The following ELFN2 variants were observed in gnomAD, a reference collection of about 807,000 sequenced individuals.
ELFN2 encodes extracellular leucine rich repeat and fibronectin type III domain containing 2.
A neutral mutation model predicts 45.5 loss-of-function variants in ELFN2; 17 were observed. That is an observed-to-expected ratio of 0.37 (90% CI 0.26 to 0.56). The LOEUF (loss-of-function observed/expected upper bound fraction) is 0.56. Among genes scored for constraint, ELFN2 ranks in the 20% least tolerant of loss-of-function variants. The pLI is 0.77. For synonymous variants in ELFN2, 550 were observed against 551.5 expected (o/e 1.00, Z 0.04); for missense variants, 922 against 1,183.2 (o/e 0.78, Z 3.24).
At chr22:37,409,077 A>G (rs1172605046) in intron 2 of ELFN2, among the ~76,000 whole-genome samples, 1 of 152,232 alleles carries the variant, frequency 6.6e-6, no homozygotes, top group African/African-American at 2.4e-5. Flanking sequence ...AAAAAGTCCC[A>G]GGACTGGCCC....
chr22:37,406,823 G>T (rs948760900), intron 2 of ELFN2, among the ~76,000 whole-genome samples: 2 of 152,230 alleles, frequency 1.3e-5, no homozygotes, highest in Admixed American at 6.5e-5. Context: ...GGGAGGCTTG[G>T]GCAGGTGGAA....
chr22:37,414,302 T>C (rs1932726388), intron 2 of ELFN2, among the ~76,000 whole-genome samples: 1 of 152,060 alleles, frequency 6.6e-6, no homozygotes, highest in Admixed American at 6.6e-5. Context: ...GGGCAAAGGA[T>C]AGGGTGCTCG....
At chr22:37,360,197 C>T (rs914390826) in intron 1 of ELFN2, among the ~76,000 whole-genome samples, 2 of 152,156 alleles carry the variant, frequency 1.3e-5, no homozygotes, top group South Asian at 4.1e-4. Flanking sequence ...CAGTCCAGCC[C>T]TAAGTTCATA....
At chr22:37,380,670 G>A (rs1056477970) in intron 2 of ELFN2, among the ~76,000 whole-genome samples, 9 of 152,164 alleles carry the variant, frequency 5.9e-5, no homozygotes, top group African/African-American at 2.2e-4. Flanking sequence ...CACCATCCGT[G>A]TCATTGCCAT....
At chr22:37,407,888 C>T (rs1237802213) in intron 2 of ELFN2, among the ~76,000 whole-genome samples, 1 of 151,712 alleles carries the variant, frequency 6.6e-6, no homozygotes, top group Non-Finnish European at 1.5e-5. Context: ...GAGCAAGACT[C>T]CGTCTCAAAA....
At chr22:37,400,576 C>A (rs901494800) in intron 2 of ELFN2, among the ~76,000 whole-genome samples, 4 of 152,196 alleles carry the variant, frequency 2.6e-5, no homozygotes, top group African/African-American at 4.8e-5. Flanking sequence ...GAGCCTGAGG[C>A]CTGCAGGGGT....
chr22:37,359,148 G>A (rs1601736784), intron 1 of ELFN2, among the ~76,000 whole-genome samples: 2 of 152,326 alleles, frequency 1.3e-5, no homozygotes, highest in African/African-American at 4.8e-5. Context: ...CCAAGAGAGA[G>A]ATGGAGACCT....
In ELFN2 at chr22:37,375,836, CCCTCCTCCTCCTCCT is replaced by C. The variant is rs142158248; in HGVS notation, c.-317_-303del. The stretch of plus-strand genomic sequence containing the variant: ...GGGTTCTCAGGGCTTGACTTCCTCT[CCCTCCTCCTCCTCCT>C]CCTCCTCCTCCTCCTCCTCGTCTTC... On this transcript the variant is annotated 5_prime_UTR_variant, in exon 3 of 3. Coordinates refer to ENST00000402918, the MANE Select transcript of ELFN2 (RefSeq NM_052906.5). 5.8e-6 allele frequency: 2 copies of C among 345,782 alleles called. No individual in the cohort carries two copies. Among genetic ancestry groups the C allele is most frequent in the East Asian group, 6.1e-5 (1 of 16,362 alleles). The allele number at this position is 345,782 out of a possible 1,614,324, so 21.4% of individuals were successfully genotyped here.
chr22:37,387,672 C>A (rs1484984920), intron 2 of ELFN2, among the ~76,000 whole-genome samples: 1 of 152,094 alleles, frequency 6.6e-6, no homozygotes, highest in Non-Finnish European at 1.5e-5. Context: ...TGCAGCTTTG[C>A]TTTCCCGCGA....
intron 2 of ELFN2, among the ~76,000 whole-genome samples, chr22:37,416,865 A>T (rs1932764647): frequency 6.6e-6 from 1 of 151,660 alleles, no homozygotes; most frequent in Non-Finnish European, 1.5e-5. Flanking sequence ...TTTCCTGGGG[A>T]CCTCCAACAC....
intron 1 of ELFN2, among the ~76,000 whole-genome samples, chr22:37,350,212 G>A (rs1253670462): frequency 6.6e-6 from 1 of 150,986 alleles, no homozygotes; most frequent in African/African-American, 2.4e-5. Context: ...CATGTGGGCC[G>A]AGTTTGTCTA....
chr22:37,416,501 C>G (rs930103135), intron 2 of ELFN2, among the ~76,000 whole-genome samples: 7 of 152,238 alleles, frequency 4.6e-5, no homozygotes, highest in Admixed American at 4.6e-4. Context: ...AGCATGTGCC[C>G]AGATGAGAGA....
In ELFN2 at chr22:37,372,160, C is replaced by T. The variant is rs1054943113; in HGVS notation, c.*912G>A. The T allele has an allele frequency of 6.6e-6, 1 of 152,600 alleles. No individual in the cohort carries two copies. Among genetic ancestry groups the T allele is most frequent in the Non-Finnish European group, 1.5e-5 (1 of 68,104 alleles). The allele number at this position is 152,600 out of a possible 1,614,324, so 9.5% of individuals were successfully genotyped here. On this transcript the variant is annotated 3_prime_UTR_variant, in exon 3 of 3. Transcript: ENST00000402918. The surrounding 1 kb of genome is among the most constrained non-coding windows in gnomAD (Gnocchi z 4.4). ...GAGCTGGCCTGCCCGCCACACGCCC[C>T]ACTCTTCCCAGGCCACGTGGAAGAC...
At chr22:37,406,106 C>T (rs894612184) in intron 2 of ELFN2, among the ~76,000 whole-genome samples, 2 of 152,098 alleles carry the variant, frequency 1.3e-5, no homozygotes, top group African/African-American at 2.4e-5. Flanking sequence ...TGCACCACTG[C>T]ACTCCAGCCT....
chr22:37,386,376 C>T (rs1447780377), intron 2 of ELFN2, among the ~76,000 whole-genome samples: 1 of 152,204 alleles, frequency 6.6e-6, no homozygotes, highest in Non-Finnish European at 1.5e-5. Flanking sequence ...CCCCCAGCCC[C>T]CTGTCCCTAG....
At chr22:37,342,563 C>CG (rs1341846505) in intron 2 of ELFN2, 2 of 152,016 alleles carry the variant, frequency 1.3e-5, no homozygotes, top group South Asian at 2.1e-4. Context: ...AGGTCCCCCC[C>CG]ACTCCTGGGT....
At chr22:37,410,330 G>A (rs1932615652) in intron 2 of ELFN2, among the ~76,000 whole-genome samples, 1 of 152,164 alleles carries the variant, frequency 6.6e-6, no homozygotes, top group Non-Finnish European at 1.5e-5. Flanking sequence ...TGCCCAAGAG[G>A]AAAGCCGGCA....
At chr22:37,426,542 G>A (rs1932851642) in intron 1 of ELFN2, among the ~76,000 whole-genome samples, 1 of 149,946 alleles carries the variant, frequency 6.7e-6, no homozygotes, top group African/African-American at 2.5e-5. Flanking sequence ...ACATGCACAC[G>A]GCGCCCCACC....
At chr22:37,363,742 A>G (rs948395311), downstream of ELFN2, among the ~76,000 whole-genome samples, 2 of 152,296 alleles carry the variant, frequency 1.3e-5, no homozygotes, top group African/African-American at 4.8e-5. Context: ...TGGGGAAAGC[A>G]GAAAAGCCCT....
Sources: gnomAD v4.1 joint callset for allele counts (sites outside exome capture counted in the v4.1 genomes callset) on GRCh38, gnomAD v4.1.1 for gene constraint, Gnocchi (gnomAD v3.1) non-coding constraint, MANE v1.5 for transcripts, NCBI Gene and HGNC (gene_info 2026-07-23, HGNC 2026-07-21) for gene names.